CDC42BPA: variants seen among roughly 807,000 people sequenced by gnomAD.
CDC42BPA encodes the protein serine/threonine-protein kinase MRCK alpha.
A neutral mutation model predicts 223.5 loss-of-function variants in CDC42BPA; 80 were observed. The ratio of observed to expected loss-of-function variants is 0.36; its 90% CI spans 0.30 to 0.43. CDC42BPA has a LOEUF of 0.43. CDC42BPA is among the 20% of genes least tolerant of loss of function. The pLI is 1.00. For synonymous variants in CDC42BPA, 694 were observed against 718.6 expected (o/e 0.97, Z 0.55); for missense variants, 1,743 against 2,099.9 (o/e 0.83, Z 3.32).
At chr1:227,256,587 TACC>T (rs1683061769) in intron 1 of CDC42BPA, among the ~76,000 whole-genome samples, 1 of 152,108 alleles carries the variant, frequency 6.6e-6, no homozygotes, top group African/African-American at 2.4e-5. Flanking sequence ...CACAATGAGA[TACC>T]ACTTCACAAC....
chr1:227,133,232 C>T (rs1198321063), intron 10 of CDC42BPA, among the ~76,000 whole-genome samples: 5 of 151,354 alleles, frequency 3.3e-5, no homozygotes, highest in Non-Finnish European at 5.9e-5. Flanking sequence ...AGCCCCCCGC[C>T]CGGCCAGCTG....
At chr1:227,151,881 CAAAAAAA>C (rs58336726) in intron 6 of CDC42BPA, among the ~76,000 whole-genome samples, 37 of 85,770 alleles carry the variant, frequency 4.3e-4, no homozygotes, top group Admixed American at 2.1e-3. Context: ...CCAGTCTCTA[CAAAAAAA>C]AAAAAAAAAA....
At chr1:227,016,776 G>T (rs1666361509) in intron 33 of CDC42BPA, 151 bp downstream of exon 33, 1 of 662,734 alleles carries the variant, frequency 1.5e-6, no homozygotes, top group African/African-American at 1.8e-5. Context: ...ATGACACTGA[G>T]AAGTTACATT....
At chr1:227,191,827 G>C (rs2150133734) in intron 5 of CDC42BPA, among the ~76,000 whole-genome samples, 1 of 151,976 alleles carries the variant, frequency 6.6e-6, no homozygotes, top group Admixed American at 6.6e-5. Flanking sequence ...CCATCTTTAA[G>C]GCTGCACTGT....
At chr1:227,249,049 C>G (rs999357246) in intron 2 of CDC42BPA, among the ~76,000 whole-genome samples, 7 of 152,152 alleles carry the variant, frequency 4.6e-5, no homozygotes, top group Admixed American at 2.6e-4. Flanking sequence ...TACAGAGCTA[C>G]AGTAACCAAA....
chr1:227,175,110 CTAGA>C (rs1214374305), intron 5 of CDC42BPA, among the ~76,000 whole-genome samples: 1 of 152,062 alleles, frequency 6.6e-6, no homozygotes, highest in Non-Finnish European at 1.5e-5. Flanking sequence ...GAATAAATAA[CTAGA>C]TAAATAATTT....
At chr1:227,010,903 C>T (rs775017636) in intron 34 of CDC42BPA, 1 of 1,364,224 alleles carries the variant, frequency 7.3e-7, no homozygotes, top group East Asian at 4.6e-5. Flanking sequence ...GCTTGGTGTA[C>T]CAGGGACAGA....
chr1:227,316,971 A>G, intron 1 of CDC42BPA, 34 bp downstream of exon 1: 4 of 1,504,334 alleles, frequency 2.7e-6, no homozygotes, highest in Non-Finnish European at 3.7e-6. Context: ...GACCAGCTAA[A>G]GATTAACAGT....
Position 227,040,253 on chromosome 1 carries a change from TA to T in CDC42BPA, c.3094-18del, listed in dbSNP as rs796390383. 7 of 1,456,848 alleles carry T rather than the reference TA, an allele frequency of 4.8e-6. No homozygotes were observed. The African/African-American group carries it at 5.6e-5, about 12-fold the overall frequency. 90.2% of individuals were successfully genotyped at this position (1,456,848 alleles called of 1,614,324 possible). ...AGTCTTGCGCTGCAAAACAAATTGA[TA>T]AAAAAACACACAGATTGTTTAAAAG... is the stretch of plus-strand genomic sequence containing the variant. On this transcript the variant is annotated intron_variant, in intron 23 of 36. Transcript: ENST00000366766.
intron 21 of CDC42BPA, among the ~76,000 whole-genome samples, chr1:227,052,283 G>C (rs1284772665): frequency 6.6e-6 from 1 of 152,132 alleles, no homozygotes; most frequent in Non-Finnish European, 1.5e-5. Flanking sequence ...ATTCCACATG[G>C]AACTTTTTAT....
chr1:227,018,095 G>C (rs1666667187), intron 32 of CDC42BPA, among the ~76,000 whole-genome samples: 1 of 151,304 alleles, frequency 6.6e-6, no homozygotes, highest in Non-Finnish European at 1.5e-5. Context: ...TGCCCAGGCT[G>C]AAGTGTAGTG....
chr1:227,179,635 C>CAAAAAAAAAAAAAAAAA (rs59744442), intron 5 of CDC42BPA, among the ~76,000 whole-genome samples: 4 of 34,242 alleles, frequency 1.2e-4, no homozygotes, highest in Admixed American at 1.2e-3. Flanking sequence ...GCCTCCATCT[C>CAAAAAAAAAAAAAAAAA]AAAAAAAAAA....
intron 1 of CDC42BPA, among the ~76,000 whole-genome samples, chr1:227,278,773 G>T (rs989319141): frequency 1.3e-5 from 2 of 152,066 alleles, no homozygotes; most frequent in African/African-American, 4.8e-5. Context: ...AAATTAAAGA[G>T]GAGCATGACA....
intron 1 of CDC42BPA, among the ~76,000 whole-genome samples, chr1:227,290,034 A>G (rs1249363417): frequency 6.6e-6 from 1 of 152,018 alleles, no homozygotes; most frequent in East Asian, 1.9e-4. Context: ...GCAAGACTCT[A>G]CCTCTAAAAA....
Position 227,028,801 on chromosome 1 carries a change from G to C in CDC42BPA, c.4288C>G (p.Gln1430Glu). The C allele has an allele frequency of 1.2e-6, 2 of 1,614,056 alleles. No individual in the cohort carries two copies. Among genetic ancestry groups the C allele is most frequent in the Non-Finnish European group, 8.5e-7 (1 of 1,179,904 alleles). The change falls in exon 30 of 37, where the codon CAA (glutamine) becomes GAA (glutamate). Residue 1430 changes from glutamine (Q) to glutamate (E), a missense_variant. Transcript: ENST00000366766. Reference sequence around the variant, plus strand: ...ACTGCGCAGATAGCATCCATTGGTTGATGTGCAATAAATGATAGTGTATGG... The same window carrying C: ...ACTGCGCAGATAGCATCCATTGGTTCATGTGCAATAAATGATAGTGTATGG... ...NDHTLSFIAH[Q>E]PMDAICAVEI...
chr1:227,099,816 T>C (rs1684668058), intron 15 of CDC42BPA, among the ~76,000 whole-genome samples: 1 of 152,178 alleles, frequency 6.6e-6, no homozygotes, highest in South Asian at 2.1e-4. Flanking sequence ...TGTATTTATA[T>C]AATTTAACCC....
At chr1:227,074,092 GT>G in intron 18 of CDC42BPA, 80 bp from the exon 19 acceptor site, 3 of 1,513,540 alleles carry the variant, frequency 2.0e-6, no homozygotes, top group African/African-American at 1.4e-5. Flanking sequence ...TGTGTGTTAT[GT>G]TTTTCTAAAC....
chr1:227,275,298 T>A (rs906797954), intron 1 of CDC42BPA, among the ~76,000 whole-genome samples: 1 of 120,220 alleles, frequency 8.3e-6, no homozygotes, highest in African/African-American at 3.1e-5. Flanking sequence ...TCAAAACATA[T>A]GAGATGCAAC....
At chr1:227,299,716 T>C (rs1009515306) in intron 1 of CDC42BPA, among the ~76,000 whole-genome samples, 16 of 152,162 alleles carry the variant, frequency 1.1e-4, no homozygotes, top group African/African-American at 3.9e-4. Context: ...TTTTTAGGTA[T>C]GCAATCATGA....
Sources: allele counts gnomAD v4.1 joint callset (sites outside exome capture counted in the v4.1 genomes callset), GRCh38; gene constraint gnomAD v4.1.1; transcripts MANE v1.5; gene names NCBI Gene and HGNC (gene_info 2026-07-23, HGNC 2026-07-21).